GNB5: variants seen among roughly 807,000 people sequenced by gnomAD.
GNB5 encodes the protein G protein subunit beta 5, also known as guanine nucleotide-binding protein subunit beta-5.
A neutral mutation model predicts 55.3 loss-of-function variants in GNB5; 37 were observed. The ratio of observed to expected loss-of-function variants is 0.67; its 90% CI spans 0.51 to 0.88. The LOEUF (loss-of-function observed/expected upper bound fraction) is 0.88, where lower values mean the gene tolerates loss of function less well. Among genes scored for constraint, GNB5 ranks in the 40% least tolerant of loss-of-function variants. The pLI, the probability that GNB5 is intolerant of heterozygous loss-of-function variation, is 0.00. For synonymous variants in GNB5, 219 were observed against 198.5 expected (o/e 1.10, Z -0.87); for missense variants, 476 against 515.3 (o/e 0.92, Z 0.74).
chr15:52,150,044 T>C (rs1458462905), intron 4 of GNB5, 119 bp from the exon 5 acceptor site: 11 of 755,324 alleles, frequency 1.5e-5, no homozygotes, highest in African/African-American at 1.4e-4. Context: ...AGAATGAGGA[T>C]CTGGATAATC....
intron 1 of GNB5, among the ~76,000 whole-genome samples, chr15:52,188,356 GA>G (rs145034324): frequency 0.019 from 2,955 of 151,952 alleles, 98 homozygotes; most frequent in African/African-American, 0.068. Flanking sequence ...AAGTTTGGGG[GA>G]AAAAAAGATA....
chr15:52,132,188 C>A (rs1259116437), intron 9 of GNB5, among the ~76,000 whole-genome samples: 1 of 152,162 alleles, frequency 6.6e-6, no homozygotes, highest in Non-Finnish European at 1.5e-5. Flanking sequence ...AGGCTGATAG[C>A]CTGGCTACTG....
chr15:52,159,601 G>A (rs72734915), intron 3 of GNB5, among the ~76,000 whole-genome samples: 5,388 of 152,314 alleles, frequency 0.035, 94 homozygotes, highest in Middle Eastern at 0.13. Context: ...GTCATGGCTG[G>A]AACTCAAGAG....
chr15:52,163,649 C>A (rs2034388832), intron 3 of GNB5, among the ~76,000 whole-genome samples: 1 of 152,156 alleles, frequency 6.6e-6, no homozygotes, highest in South Asian at 2.1e-4. Flanking sequence ...TTCAGTGGGA[C>A]CTGGATGCTC....
rs2033164041 is a variant in GNB5 at position 52,117,108 on chromosome 15, TTTTA to T, written c.*5645_*5648del. On this transcript the variant is annotated 3_prime_UTR_variant, in exon 13 of 13. Transcript: ENST00000261837. ...CCAGCTAATATATATATATATTTTT[TTTTA>T]GTACAGACAGGGTTTCACCGTGTTA... 1.3e-5 allele frequency: 1 copy of T among 77,388 alleles called. No individual in the cohort carries two copies. Among genetic ancestry groups the T allele is most frequent in the Non-Finnish European group, 2.2e-5 (1 of 45,004 alleles). 4.8% of individuals were successfully genotyped at this position (77,388 alleles called of 1,614,324 possible). A position where few individuals can be genotyped will look rare whatever the true frequency, so the allele number is the denominator to read the frequency against.
At chr15:52,185,504 C>A (rs182024467) in intron 1 of GNB5, among the ~76,000 whole-genome samples, 1 of 152,162 alleles carries the variant, frequency 6.6e-6, no homozygotes, top group East Asian at 1.9e-4. Context: ...GCAGCAATAG[C>A]GGGAACAGTG....
chr15:52,168,194 A>G (rs936061180), intron 3 of GNB5, among the ~76,000 whole-genome samples: 1 of 152,228 alleles, frequency 6.6e-6, no homozygotes, highest in Non-Finnish European at 1.5e-5. Flanking sequence ...TCAAATAGGA[A>G]GAGAGAAGTC....
At chr15:52,158,542 G>A (rs2034264014) in intron 3 of GNB5, among the ~76,000 whole-genome samples, 4 of 151,884 alleles carry the variant, frequency 2.6e-5, no homozygotes, top group Non-Finnish European at 5.9e-5. Context: ...CCCTACTTCA[G>A]CTGTCAAGCA....
chr15:52,161,458 C>T (rs1228098148), intron 3 of GNB5, among the ~76,000 whole-genome samples: 2 of 152,178 alleles, frequency 1.3e-5, no homozygotes, highest in South Asian at 4.1e-4. Context: ...CTACCACGCC[C>T]GGCTAATTTT....
At chr15:52,139,241 A>G (rs1460069357) in intron 7 of GNB5, among the ~76,000 whole-genome samples, 1 of 152,202 alleles carries the variant, frequency 6.6e-6, no homozygotes, top group Admixed American at 6.5e-5. Context: ...CTGGAGTTCA[A>G]GATCAGCCAG....
Position 52,147,471 on chromosome 15 carries a change from G to T in GNB5, c.482C>A (p.Ala161Asp). 1 of 1,596,806 alleles carries T rather than the reference G, an allele frequency of 6.3e-7. No individual in the cohort carries two copies. The highest frequency in any genetic ancestry group is 8.6e-7 in the Non-Finnish European group (1 of 1,164,172). Residue 161 changes from alanine to aspartate, a missense_variant, in exon 6 of 13, where the codon GCC (alanine) becomes GAC (aspartate). Coordinates refer to ENST00000261837, the MANE Select transcript of GNB5 (RefSeq NM_016194.4). ...MACAYAPSGCAIACGGLDNKC... is the reference protein window; with the variant it reads ...MACAYAPSGCDIACGGLDNKC... ...AGCTCCAACTTACCCACAAGCAATG[G>T]CACATCCCGATGGGGCATAAGCACA...
intron 3 of GNB5, among the ~76,000 whole-genome samples, chr15:52,175,413 T>C (rs1041652148): frequency 2.0e-5 from 3 of 152,174 alleles, no homozygotes; most frequent in African/African-American, 7.2e-5. Flanking sequence ...GAATCTCAGC[T>C]GGGCAAGAAA....
intron 9 of GNB5, chr15:52,128,934 C>T (rs2033502108): frequency 3.1e-6 from 1 of 324,064 alleles, no homozygotes; most frequent in Admixed American, 4.0e-5. Context: ...CTGTGTTCCC[C>T]ACACCTTCCA....
At chr15:52,139,620 A>G in intron 7 of GNB5, 1 of 280,776 alleles carries the variant, frequency 3.6e-6, no homozygotes, top group Non-Finnish European at 7.1e-6. Flanking sequence ...AAAATGAAGC[A>G]CGCAGAAATT....
chr15:52,169,566 AAAG>A (rs1247840944), intron 3 of GNB5, among the ~76,000 whole-genome samples: 7 of 149,942 alleles, frequency 4.7e-5, no homozygotes, highest in Non-Finnish European at 8.9e-5. Context: ...AAAAAAAAGA[AAAG>A]AAGAGAAGAG....
chr15:52,136,955 A>G (rs892141670), intron 7 of GNB5: 12 of 453,016 alleles, frequency 2.6e-5, no homozygotes, highest in Non-Finnish European at 4.9e-5. Flanking sequence ...GGGAGAAAAG[A>G]CTGTGAATCG....
At chr15:52,182,665 G>A (rs548219143) in intron 2 of GNB5, among the ~76,000 whole-genome samples, 107 of 152,298 alleles carry the variant, frequency 7.0e-4, no homozygotes, top group African/African-American at 2.4e-3. Flanking sequence ...AGGGCCCAAT[G>A]GGGACTGTGT....
chr15:52,153,877 C>G, intron 4 of GNB5, 63 bp downstream of exon 4: 722 of 1,359,808 alleles, frequency 5.3e-4, no homozygotes, highest in Non-Finnish European at 6.8e-4. Context: ...AGGGACAGCT[C>G]TCCTCCCCCT....
At chr15:52,171,241 A>G (rs1295718176) in intron 3 of GNB5, among the ~76,000 whole-genome samples, 1 of 152,192 alleles carries the variant, frequency 6.6e-6, no homozygotes, top group Non-Finnish European at 1.5e-5. Flanking sequence ...TGATGACATT[A>G]AAAGAAATGT....
Sources: gnomAD v4.1 joint callset for allele counts (sites outside exome capture counted in the v4.1 genomes callset) on GRCh38, gnomAD v4.1.1 for gene constraint, MANE v1.5 for transcripts, NCBI Gene and HGNC (gene_info 2026-07-23, HGNC 2026-07-21) for gene names.